The following NRXN3 variants were observed in gnomAD, a reference collection of about 807,000 sequenced individuals.
NRXN3 encodes the protein neurexin 3, also known as neurexin III.
Under a neutral mutation model 137.6 loss-of-function variants are expected in NRXN3, and 32 were observed. The ratio of observed to expected loss-of-function variants is 0.23; its 90% CI spans 0.18 to 0.31. NRXN3 has a LOEUF of 0.31. Among genes scored for constraint, NRXN3 ranks in the 10% least tolerant of loss-of-function variants. The pLI, the probability that NRXN3 is intolerant of heterozygous loss-of-function variation, is 1.00. For synonymous variants in NRXN3, 798 were observed against 784.5 expected (o/e 1.02, Z -0.29); for missense variants, 1,574 against 2,062.5 (o/e 0.76, Z 4.59).
chr14:78,716,649 G>A (rs1236141658), intron 8 of NRXN3, among the ~76,000 whole-genome samples: 1 of 152,202 alleles, frequency 6.6e-6, no homozygotes, highest in East Asian at 1.9e-4. Context: ...TCCTGGGCCA[G>A]GTCTAGAACA....
At chr14:78,390,563 T>C (rs1197779209) in intron 4 of NRXN3, among the ~76,000 whole-genome samples, 1 of 152,208 alleles carries the variant, frequency 6.6e-6, no homozygotes, top group South Asian at 2.1e-4. Flanking sequence ...AAAGTCAAGA[T>C]AGAGCAAAGA....
intron 4 of NRXN3, among the ~76,000 whole-genome samples, chr14:78,462,843 G>A (rs781163879): frequency 1.3e-5 from 2 of 152,118 alleles, no homozygotes; most frequent in African/African-American, 2.4e-5. Flanking sequence ...TGACACATTG[G>A]TTGAGGAATG....
At chr14:79,066,234 A>G (rs745358979) in intron 15 of NRXN3, among the ~76,000 whole-genome samples, 2 of 152,124 alleles carry the variant, frequency 1.3e-5, no homozygotes, top group African/African-American at 2.4e-5. Flanking sequence ...AGCACAATTT[A>G]TTAATTAGGG....
At chr14:79,694,247 C>T (rs907538441) in intron 18 of NRXN3, among the ~76,000 whole-genome samples, 14 of 151,928 alleles carry the variant, frequency 9.2e-5, no homozygotes, top group Non-Finnish European at 1.3e-4. Flanking sequence ...CATCTGAGGA[C>T]GGGCAAAATA....
chr14:78,818,570 A>G (rs2153118239), intron 10 of NRXN3, among the ~76,000 whole-genome samples: 1 of 152,240 alleles, frequency 6.6e-6, no homozygotes, highest in Non-Finnish European at 1.5e-5. Flanking sequence ...TGACAAATAA[A>G]TATTTTCATG....
At chr14:79,111,428 T>A (rs1433356034) in intron 15 of NRXN3, among the ~76,000 whole-genome samples, 1 of 152,132 alleles carries the variant, frequency 6.6e-6, no homozygotes, top group African/African-American at 2.4e-5. Context: ...TTCTAGACCT[T>A]CTCTCCCTGC....
At chr14:78,365,437 T>A (rs1040446939) in intron 4 of NRXN3, among the ~76,000 whole-genome samples, 2 of 152,196 alleles carry the variant, frequency 1.3e-5, no homozygotes, top group African/African-American at 4.8e-5. Flanking sequence ...ACTGTCTCTG[T>A]CATGCCTCCA....
chr14:78,873,891 C>A lies in NRXN3; in HGVS notation c.2275+63547C>A, dbSNP rs144306995. 8.6e-5 allele frequency among the ~76,000 whole-genome samples: 13 copies of A among 151,990 alleles called. No individual in the cohort carries two copies. The East Asian group carries it at 2.5e-3, about 29-fold the overall frequency. ...TTTTATTAGAAAAAAAGTGAACCTT[C>A]TTTTATCCCACCTAGGGTTAATGCA... On this transcript the variant is annotated intron_variant, in intron 10 of 20. Transcript: ENST00000335750.
At chr14:79,858,523 T>C (rs1308043490) in intron 20 of NRXN3, among the ~76,000 whole-genome samples, 1 of 152,188 alleles carries the variant, frequency 6.6e-6, no homozygotes, top group African/African-American at 2.4e-5. Flanking sequence ...TCCTTTAACC[T>C]AGTTTCCTCT....
At chr14:78,942,287 T>C (rs1197275025) in intron 10 of NRXN3, among the ~76,000 whole-genome samples, 1 of 152,220 alleles carries the variant, frequency 6.6e-6, no homozygotes. Flanking sequence ...TGATTCACCC[T>C]AGGCTCACCT....
At chr14:79,639,347 T>A (rs1014842260) in intron 16 of NRXN3, among the ~76,000 whole-genome samples, 2 of 152,218 alleles carry the variant, frequency 1.3e-5, no homozygotes, top group Non-Finnish European at 2.9e-5. Flanking sequence ...GTTATTTTTT[T>A]CTGCTCCTCT....
At chr14:78,255,479 A>G (rs1325385111) in intron 2 of NRXN3, among the ~76,000 whole-genome samples, 1 of 152,244 alleles carries the variant, frequency 6.6e-6, no homozygotes, top group African/African-American at 2.4e-5. Context: ...GTGTTAACAC[A>G]GATTGGGGCT....
At chr14:79,849,187 T>C (rs2099386686) in intron 20 of NRXN3, among the ~76,000 whole-genome samples, 1 of 152,164 alleles carries the variant, frequency 6.6e-6, no homozygotes, top group Non-Finnish European at 1.5e-5. Flanking sequence ...GCTTCCCAAT[T>C]GATCTCCCCA....
chr14:78,492,584 A>T (rs958003667), intron 4 of NRXN3, among the ~76,000 whole-genome samples: 1 of 152,206 alleles, frequency 6.6e-6, no homozygotes, highest in Non-Finnish European at 1.5e-5. Flanking sequence ...AACATGACAT[A>T]TAAATGGGTG....
Position 79,606,144 on chromosome 14 carries a change from G to A in NRXN3, c.3445-57634G>A, listed in dbSNP as rs149001555. ...AACAAATGTCTGTTTTGTTACCTCC[G>A]GATAAATCTTCATGATGAAATGTGC... is the stretch of plus-strand genomic sequence containing the variant. On this transcript the variant is annotated intron_variant, in intron 16 of 20. Coordinates refer to ENST00000335750, the MANE Select transcript of NRXN3 (RefSeq NM_001330195.2). Among the ~76,000 whole-genome samples, 202 of 152,234 alleles carry A rather than the reference G, an allele frequency of 1.3e-3. 3 individuals are homozygous for A. Among genetic ancestry groups the A allele is most frequent in the Admixed American group, 0.011 (171 of 15,298 alleles).
rs145228898 is a variant in NRXN3 at position 79,256,232 on chromosome 14, T to C, written c.3263-210989T>C. On this transcript the variant is annotated intron_variant, in intron 15 of 20. Coordinates refer to ENST00000335750, the MANE Select transcript of NRXN3 (RefSeq NM_001330195.2). ...CCCCCAGAAGAGCATTTTGGCCACTTAAAGGAATGCTGTGAGGAATTACAG... is the reference window on the plus strand; with the variant it reads ...CCCCCAGAAGAGCATTTTGGCCACTCAAAGGAATGCTGTGAGGAATTACAG... Among the ~76,000 whole-genome samples, 840 of 151,946 alleles carry C rather than the reference T, an allele frequency of 5.5e-3. 10 individuals are homozygous for C. Among genetic ancestry groups the C allele is most frequent in the African/African-American group, 0.018 (756 of 41,438 alleles).
At chr14:78,715,825 G>A (rs1032909350) in intron 8 of NRXN3, among the ~76,000 whole-genome samples, 3 of 151,770 alleles carry the variant, frequency 2.0e-5, no homozygotes, top group Admixed American at 6.6e-5. Context: ...ATAGGTTCTC[G>A]AGCATTTAAT....
chr14:78,388,034 TA>T (rs1460758848), intron 4 of NRXN3, among the ~76,000 whole-genome samples: 3 of 152,266 alleles, frequency 2.0e-5, no homozygotes, highest in African/African-American at 7.2e-5. Context: ...ACTTTTCAAA[TA>T]AAAATATCAC....
chr14:78,352,330 C>G (rs1228836853), intron 4 of NRXN3, among the ~76,000 whole-genome samples: 1 of 152,132 alleles, frequency 6.6e-6, no homozygotes, highest in Non-Finnish European at 1.5e-5. Context: ...CACTATGTTC[C>G]CAGCTCCTCT....
Sources: gnomAD v4.1 joint callset for allele counts (sites outside exome capture counted in the v4.1 genomes callset) on GRCh38, gnomAD v4.1.1 for gene constraint, MANE v1.5 for transcripts, NCBI Gene and HGNC (gene_info 2026-07-23, HGNC 2026-07-21) for gene names.